KCNH8: variants seen among roughly 807,000 people sequenced by gnomAD.
The protein encoded by KCNH8 is potassium voltage-gated channel subfamily H member 8, also known as voltage-gated delayed rectifier potassium channel KCNH8.
Under a neutral mutation model 103.6 loss-of-function variants are expected in KCNH8, and 70 were observed. That is an observed-to-expected ratio of 0.68 (90% CI 0.56 to 0.82). The LOEUF is 0.82. Among genes scored for constraint, KCNH8 ranks in the 40% least tolerant of loss-of-function variants. The probability of loss-of-function intolerance (pLI) is 0.00; values close to 1 mark genes in which losing one functional copy is unlikely to be tolerated. For missense variants in KCNH8, 1,217 were observed against 1,329.9 expected (o/e 0.92, Z 1.32); for synonymous variants, 498 against 489.4 (o/e 1.02, Z -0.23).
At chr3:19,482,443 C>T (rs1267606561) in intron 11 of KCNH8, among the ~76,000 whole-genome samples, 1 of 152,132 alleles carries the variant, frequency 6.6e-6, no homozygotes, top group South Asian at 2.1e-4. Flanking sequence ...ATTTTTACTA[C>T]CTATGTCTTT....
intron 2 of KCNH8, 114 bp downstream of exon 2, chr3:19,254,001 G>A: frequency 1.4e-6 from 1 of 691,084 alleles, no homozygotes; most frequent in Non-Finnish European, 2.5e-6. Context: ...CATACATGCA[G>A]GCTGTTACAG....
chr3:19,486,775 C>T (rs2068220485), intron 11 of KCNH8, among the ~76,000 whole-genome samples: 1 of 152,168 alleles, frequency 6.6e-6, no homozygotes, highest in Non-Finnish European at 1.5e-5. Context: ...AGTTTGGAAT[C>T]CATAATCTGT....
intron 15 of KCNH8, among the ~76,000 whole-genome samples, chr3:19,529,010 CCAGA>C (rs1363231530): frequency 1.3e-5 from 2 of 151,966 alleles, no homozygotes; most frequent in Non-Finnish European, 2.9e-5. Context: ...GATTTTCTTG[CCAGA>C]CAGAGAAGGG....
At chr3:19,301,389 G>C (rs2065062752) in intron 3 of KCNH8, among the ~76,000 whole-genome samples, 1 of 148,246 alleles carries the variant, frequency 6.7e-6, no homozygotes, top group Non-Finnish European at 1.5e-5. Flanking sequence ...TTATTTACAT[G>C]AATATAAATA....
At chr3:19,367,260 A>G (rs1468490720) in intron 5 of KCNH8, among the ~76,000 whole-genome samples, 1 of 151,634 alleles carries the variant, frequency 6.6e-6, no homozygotes, top group Non-Finnish European at 1.5e-5. Context: ...CTCTCTGTAA[A>G]GCCTTCTTTA....
chr3:19,434,964 T>C (rs1575063813), intron 7 of KCNH8, among the ~76,000 whole-genome samples: 1 of 152,108 alleles, frequency 6.6e-6, no homozygotes, highest in Non-Finnish European at 1.5e-5. Flanking sequence ...GAGATAACTA[T>C]ACAAATGAAC....
intron 1 of KCNH8, among the ~76,000 whole-genome samples, chr3:19,179,231 T>C (rs1408152162): frequency 6.6e-6 from 1 of 152,074 alleles, no homozygotes; most frequent in Non-Finnish European, 1.5e-5. Flanking sequence ...TTGCCAAATA[T>C]GCATATCTGT....
At chr3:19,530,870 A>C (rs1021682218) in intron 15 of KCNH8, among the ~76,000 whole-genome samples, 3 of 152,242 alleles carry the variant, frequency 2.0e-5, no homozygotes, top group African/African-American at 7.2e-5. Context: ...TCATGAAATA[A>C]GTGACCTTAA....
intron 1 of KCNH8, among the ~76,000 whole-genome samples, chr3:19,243,365 G>A (rs1301338084): frequency 6.6e-6 from 1 of 152,062 alleles, no homozygotes; most frequent in East Asian, 1.9e-4. Flanking sequence ...TTATTATAAT[G>A]ACTCTAGAAG....
intron 5 of KCNH8, among the ~76,000 whole-genome samples, chr3:19,380,358 T>TCTTA (rs1394428102): frequency 6.6e-6 from 1 of 152,182 alleles, no homozygotes; most frequent in Non-Finnish European, 1.5e-5. Flanking sequence ...AACCCATGAA[T>TCTTA]CTTACTTCCT....
intron 2 of KCNH8, among the ~76,000 whole-genome samples, chr3:19,272,345 T>G (rs1376369873): frequency 1.3e-5 from 2 of 152,058 alleles, no homozygotes; most frequent in African/African-American, 4.8e-5. Flanking sequence ...TAAACTATAC[T>G]AATTATGTCA....
rs1185062191 is a variant in KCNH8, at chr3:19,170,727, T to TAC, written c.76+21940_76+21941dup. Among the ~76,000 whole-genome samples the TAC allele has an allele frequency of 6.2e-5, 9 of 144,312 alleles. 1 individual carries two copies. The highest frequency in any genetic ancestry group is 2.3e-4 in the African/African-American group (9 of 38,354). The allele number at this position is 144,312 out of a possible 152,430, so 94.7% of individuals were successfully genotyped here. A position where few individuals can be genotyped will look rare whatever the true frequency, so the allele number is the denominator to read the frequency against. ...ATACACATATATACACACACATATA[T>TAC]ACACACACATATATATACACACACA... On this transcript the variant is annotated intron_variant, in intron 1 of 15. Transcript: ENST00000328405.
intron 3 of KCNH8, among the ~76,000 whole-genome samples, chr3:19,284,239 G>A (rs952323567): frequency 6.6e-6 from 1 of 152,154 alleles, no homozygotes; most frequent in Middle Eastern, 3.4e-3. Flanking sequence ...TAAGGTTCAT[G>A]TTAATTAAAT....
Position 19,326,381 on chromosome 3 carries a change from AT to A in KCNH8, c.443-16205del, listed in dbSNP as rs1351386410. 1.5e-4 allele frequency among the ~76,000 whole-genome samples: 21 copies of A among 142,200 alleles called. 1 individual carries two copies. The highest frequency in any genetic ancestry group is 5.2e-4 in the African/African-American group (20 of 38,172). The allele number at this position is 142,200 out of a possible 152,430, so 93.3% of individuals were successfully genotyped here. ...AATATATATATATATATATATATAT[AT>A]AATAAATGATTATGATTTATTTTGG... On this transcript the variant is annotated intron_variant, in intron 3 of 15. Transcript: ENST00000328405.
chr3:19,349,409 T>C (rs2065770286), intron 5 of KCNH8, among the ~76,000 whole-genome samples: 1 of 152,070 alleles, frequency 6.6e-6, no homozygotes, highest in South Asian at 2.1e-4. Context: ...ACACTCCCCA[T>C]GCCCTGGTCA....
intron 5 of KCNH8, among the ~76,000 whole-genome samples, chr3:19,384,277 T>A (rs922883998): frequency 3.9e-5 from 6 of 152,152 alleles, no homozygotes; most frequent in Admixed American, 3.3e-4. Context: ...AATTATGAAA[T>A]CCCATGGTTA....
intron 2 of KCNH8, among the ~76,000 whole-genome samples, chr3:19,279,601 ACT>A (rs2064729466): frequency 6.6e-6 from 1 of 151,666 alleles, no homozygotes; most frequent in African/African-American, 2.4e-5. Context: ...GGAAATCATG[ACT>A]CTAAAACTAT....
At chr3:19,400,947 T>C (rs1169705549) in intron 7 of KCNH8, among the ~76,000 whole-genome samples, 4 of 151,968 alleles carry the variant, frequency 2.6e-5, no homozygotes, top group African/African-American at 9.7e-5. Context: ...CTTTTAAAGC[T>C]AACCCTTACT....
At chr3:19,519,020 G>A (rs969455199) in intron 15 of KCNH8, among the ~76,000 whole-genome samples, 1 of 152,040 alleles carries the variant, frequency 6.6e-6, no homozygotes, top group Non-Finnish European at 1.5e-5. Flanking sequence ...TAGTGAGACA[G>A]TTAAACTTGT....
Sources: gnomAD v4.1 joint callset for allele counts (sites outside exome capture counted in the v4.1 genomes callset) on GRCh38, gnomAD v4.1.1 for gene constraint, MANE v1.5 for transcripts, NCBI Gene and HGNC (gene_info 2026-07-23, HGNC 2026-07-21) for gene names.